BCOR: variants seen among roughly 807,000 people sequenced by gnomAD.
The protein encoded by BCOR is BCL6 corepressor.
BCOR carries 10 observed loss-of-function variants against 86.7 expected under a neutral mutation model. The observed-to-expected ratio is 0.12, with a 90% confidence interval of 0.07 to 0.20. The LOEUF (loss-of-function observed/expected upper bound fraction) is 0.20, where lower values mean the gene tolerates loss of function less well. Ranked by LOEUF, BCOR falls within the 10% of genes least tolerant of loss-of-function variation. The pLI is 1.00. For missense variants in BCOR, 1,259 were observed against 1,452.1 expected (o/e 0.87, Z 2.16); for synonymous variants, 611 against 609.0 (o/e 1.00, Z -0.05).
At chrX:40,120,048 C>CG (rs1937460297) in intron 1 of BCOR, among the ~76,000 whole-genome samples, 1 of 20,711 alleles carries the variant, frequency 4.8e-5, no homozygotes, top group Non-Finnish European at 1.1e-4. Context: ...ACAGTTGGGG[C>CG]GGGGGGAGGA....
chrX:40,151,754 G>C (rs1317677126), intron 1 of BCOR, among the ~76,000 whole-genome samples: 1 of 112,109 alleles, frequency 8.9e-6, no homozygotes, highest in Non-Finnish European at 1.9e-5. Flanking sequence ...CCAATTAGCT[G>C]AGCCAACTGG....
chrX:40,161,519 T>C (rs1938422120), intron 1 of BCOR, among the ~76,000 whole-genome samples: 1 of 87,662 alleles, frequency 1.1e-5, no homozygotes, highest in African/African-American at 4.3e-5. Context: ...TTTTTTTTTT[T>C]TTTTTTTTTT....
chrX:40,172,376 C>T lies in BCOR; in HGVS notation c.-41+4631G>A, dbSNP rs1276149648. Reference sequence around the variant, plus strand: ...GGAACCCACAAGCCTGACTGTGCTTCCTAAGGATACTAGCGTGCGCGCAGA... The same window carrying T: ...GGAACCCACAAGCCTGACTGTGCTTTCTAAGGATACTAGCGTGCGCGCAGA... On this transcript the variant is annotated intron_variant, in intron 1 of 14. Transcript: ENST00000342274. Among the ~76,000 whole-genome samples the T allele has an allele frequency of 2.7e-5, 3 of 112,692 alleles. No individual in the cohort carries two copies. In the East Asian group the frequency reaches 8.4e-4, roughly 32 times the overall value.
chrX:40,082,425 C>A (rs925685783), intron 1 of BCOR, among the ~76,000 whole-genome samples: 17 of 111,861 alleles, frequency 1.5e-4, no homozygotes, highest in Non-Finnish European at 2.6e-4. Context: ...ATCTCGGGGT[C>A]TTTTCTTGGG....
Position 40,051,957 on chromosome X carries a change from C to T in BCOR, c.*152G>A. 4.2e-6 allele frequency: 2 copies of T among 471,719 alleles called. No individual in the cohort carries two copies. The highest frequency in any genetic ancestry group is 4.1e-5 in the East Asian group (1 of 24,218). The allele number at this position is 471,719 out of a possible 1,213,427, so 38.9% of individuals were successfully genotyped here. A position where few individuals can be genotyped will look rare whatever the true frequency, so the allele number is the denominator to read the frequency against. ...AGTTTAAAAGGAAAAAAACATGTTT[C>T]TAAGTCCTTCTGACTGGAGTAATTT... is the stretch of plus-strand genomic sequence containing the variant. On this transcript the variant is annotated 3_prime_UTR_variant, in exon 15 of 15. Coordinates refer to ENST00000378444, the MANE Select transcript of BCOR (RefSeq NM_001123385.2).
At chrX:40,129,194 A>G (rs1040539390) in intron 1 of BCOR, among the ~76,000 whole-genome samples, 6 of 111,757 alleles carry the variant, frequency 5.4e-5, no homozygotes, top group Admixed American at 2.9e-4. Flanking sequence ...GAGTAGAAAC[A>G]GGAAAAGTTA....
chrX:40,079,286 T>C (rs1371350966), intron 1 of BCOR, among the ~76,000 whole-genome samples: 1 of 112,406 alleles, frequency 8.9e-6, no homozygotes, highest in Non-Finnish European at 1.9e-5. Flanking sequence ...GGAAAAAATA[T>C]GCAAATGCTT....
At chrX:40,119,667 G>C (rs1297217056) in intron 1 of BCOR, among the ~76,000 whole-genome samples, 1 of 110,340 alleles carries the variant, frequency 9.1e-6, no homozygotes, top group Non-Finnish European at 1.9e-5. Flanking sequence ...AGTCAAGATG[G>C]AGTTATCCTT....
At chrX:40,122,694 G>A (rs1937504425) in intron 1 of BCOR, among the ~76,000 whole-genome samples, 1 of 112,028 alleles carries the variant, frequency 8.9e-6, no homozygotes, top group Non-Finnish European at 1.9e-5. Flanking sequence ...GCGTTAACTG[G>A]CTTGTGGTCA....
At chrX:40,143,935 C>T (rs1937981926) in intron 1 of BCOR, among the ~76,000 whole-genome samples, 1 of 112,481 alleles carries the variant, frequency 8.9e-6, no homozygotes, top group South Asian at 3.6e-4. Flanking sequence ...CCAGCCTGGG[C>T]AAAAGAGCAA....
Position 40,143,144 on chromosome X carries a change from A to T in BCOR, c.-41+33863T>A, listed in dbSNP as rs904636921. ...AAATCCAGAAGGACTGGCGAGCTGCAGGGGGCAGCCAGGGACAATTGTATG... is the reference window on the plus strand; with the variant it reads ...AAATCCAGAAGGACTGGCGAGCTGCTGGGGGCAGCCAGGGACAATTGTATG... On this transcript the variant is annotated intron_variant, in intron 1 of 14. Coordinates refer to the BCOR transcript ENST00000342274. 2.7e-5 allele frequency among the ~76,000 whole-genome samples: 3 copies of T among 112,021 alleles called. No individual in the cohort carries two copies. The East Asian group carries it at 8.4e-4, about 31-fold the overall frequency.
At chrX:40,064,286 G>C (rs754907203) in intron 7 of BCOR, 50 bp downstream of exon 7, 2 of 1,207,441 alleles carry the variant, frequency 1.7e-6, no homozygotes, top group Admixed American at 2.2e-5. Flanking sequence ...CACTGTGGCC[G>C]CATGCAAAGG....
At chrX:40,063,177 C>T in intron 8 of BCOR, 106 bp from the exon 9 acceptor site, 1 of 552,499 alleles carries the variant, frequency 1.8e-6, no homozygotes, top group South Asian at 3.3e-5. Flanking sequence ...ATTGTTAACA[C>T]TGATCACTGG....
At chrX:40,105,559 G>GC (rs971319526) in intron 1 of BCOR, among the ~76,000 whole-genome samples, 2 of 111,822 alleles carry the variant, frequency 1.8e-5, no homozygotes, top group Admixed American at 9.3e-5. Flanking sequence ...CCATAAGCAC[G>GC]CCCCCCCGCA....
chrX:40,153,142 G>T (rs1327950228), intron 1 of BCOR, among the ~76,000 whole-genome samples: 1 of 113,323 alleles, frequency 8.8e-6, no homozygotes, highest in Non-Finnish European at 1.9e-5. Context: ...GCCCGGAATC[G>T]CAGGACAGCG....
At chrX:40,082,344 T>C (rs760952494) in intron 1 of BCOR, among the ~76,000 whole-genome samples, 1 of 110,346 alleles carries the variant, frequency 9.1e-6, no homozygotes, top group South Asian at 4.0e-4. Flanking sequence ...ACTGACAATT[T>C]GGAAAGCATG....
At chrX:40,098,299 A>AC (rs772896513), upstream of BCOR, among the ~76,000 whole-genome samples, 2,046 of 105,597 alleles carry the variant, frequency 0.019, 27 homozygotes, top group Non-Finnish European at 0.028. Context: ...CTGGATCCGA[A>AC]CCCCGGACCA....
At position 40,062,279 on chromosome X, in the gene BCOR, G is replaced by A. The variant is rs1309687666; in HGVS notation, c.4288C>T (p.Gln1430Ter). The A allele has an allele frequency of 8.3e-7, 1 of 1,211,072 alleles. No individual in the cohort carries two copies. Among genetic ancestry groups the A allele is most frequent in the Non-Finnish European group, 1.1e-6 (1 of 895,205 alleles). ...DRLQQLLPASQSTQLPCSSSP... is the reference protein window; with the variant it reads ...DRLQQLLPAS ...CTTGAGCATGGCAGCTGTGTGGACTGGGAGGCTGGTAGCAGTTGCTGCAAG... is the reference window on the plus strand; with the variant it reads ...CTTGAGCATGGCAGCTGTGTGGACTAGGAGGCTGGTAGCAGTTGCTGCAAG... Residue 1430 changes from glutamine to a stop codon, truncating the protein, a stop_gained, in exon 10 of 15, where the codon CAG becomes TAG. Transcript: ENST00000378444. LOFTEE classifies it high-confidence loss of function.
At chrX:40,136,184 A>G (rs1176665741) in intron 1 of BCOR, among the ~76,000 whole-genome samples, 1 of 112,363 alleles carries the variant, frequency 8.9e-6, no homozygotes, top group Non-Finnish European at 1.9e-5. Context: ...TGTCCCAGGT[A>G]GCCCACTTGT....
Sources: allele counts gnomAD v4.1 joint callset (sites outside exome capture counted in the v4.1 genomes callset), GRCh38; gene constraint gnomAD v4.1.1; transcripts MANE v1.5; gene names NCBI Gene and HGNC (gene_info 2026-07-23, HGNC 2026-07-21).